Variants in TLX3 observed in about 807,000 individuals in gnomAD.
TLX3 encodes the protein T-cell leukemia homeobox protein 3.
In TLX3, 11 loss-of-function variants were observed where a neutral mutation model predicts 19.6. The observed-to-expected ratio is 0.56, with a 90% CI of 0.35 to 0.93. The LOEUF is 0.93. Ranked by LOEUF, TLX3 falls within the 40% of genes least tolerant of loss-of-function variation. TLX3 has a pLI of 0.01. For missense variants in TLX3, 375 were observed against 418.6 expected (o/e 0.90, Z 0.91); for synonymous variants, 221 against 188.1 (o/e 1.17, Z -1.43).
At chr5:171,309,935 A>T in intron 1 of TLX3, 149 bp downstream of exon 1, 1 of 1,301,992 alleles carries the variant, frequency 7.7e-7, no homozygotes. Context: ...CGTGGTGGGG[A>T]GGGTAATCGG....
At chr5:171,310,438 T>A in intron 2 of TLX3, 45 bp downstream of exon 2, 1 of 1,589,850 alleles carries the variant, frequency 6.3e-7, no homozygotes, top group East Asian at 2.3e-5. Flanking sequence ...GCCCTTCACC[T>A]GTCCCGCCCC....
rs761195958 is a variant in TLX3, at chr5:171,309,398, C to T, written c.33C>T (p.His11=). The change falls in exon 1 of 3, where the codon CAC becomes CAT. Residue 11 remains histidine, a synonymous_variant. Transcript: ENST00000296921. ...CGCCCGCCAGCGCGCAGACCCCGCACCCGCACGAGCCCATCAGCTTCGGCA... is the reference window on the plus strand; with the variant it reads ...CGCCCGCCAGCGCGCAGACCCCGCATCCGCACGAGCCCATCAGCTTCGGCA... MEAPASAQTP[H]PHEPISFGID... 1.0e-5 allele frequency: 16 copies of T among 1,604,742 alleles called. No individual in the cohort carries two copies. The East Asian group carries it at 2.3e-4, about 23-fold the overall frequency.
chr5:171,311,644 G>C lies in TLX3; in HGVS notation c.*45G>C. ...CGCCACGGATCGCCGCCCCCACCCA[G>C]CCGGGCGCCCCGGACCCCCCAGGCG... On this transcript the variant is annotated 3_prime_UTR_variant, in exon 3 of 3. Coordinates refer to ENST00000296921, the MANE Select transcript of TLX3 (RefSeq NM_021025.4). This position sits in a 1 kb window ranked among gnomAD's most constrained non-coding sequence, Gnocchi z 5.1. The C allele has an allele frequency of 6.7e-7, 1 of 1,498,578 alleles. No individual in the cohort carries two copies. Among genetic ancestry groups the C allele is most frequent in the South Asian group, 1.2e-5 (1 of 83,808 alleles). The allele number at this position is 1,498,578 out of a possible 1,614,324, so 92.8% of individuals were successfully genotyped here. A position where few individuals can be genotyped will look rare whatever the true frequency, so the allele number is the denominator to read the frequency against.
rs1173363619 is a variant in TLX3, at chr5:171,310,411, C to T, written c.665+18C>T. On this transcript the variant is annotated intron_variant, in intron 2 of 2. Transcript: ENST00000296921. ...AAGTGGCGGTGAGAGAGGCCTGACC[C>T]GGCCCACCTTACACCTGCCCTTCAC... 2.5e-6 allele frequency: 4 copies of T among 1,610,830 alleles called. No homozygotes were observed. The highest frequency in any genetic ancestry group is 1.3e-5 in the African/African-American group (1 of 74,880).
chr5:171,311,057 C>T lies in TLX3; in HGVS notation c.666-332C>T, dbSNP rs953284005. Among the ~76,000 whole-genome samples, 2 of 152,158 alleles carry T rather than the reference C, an allele frequency of 1.3e-5. No homozygotes were observed. Among genetic ancestry groups the T allele is most frequent in the Admixed American group, 1.3e-4 (2 of 15,284 alleles). The stretch of plus-strand genomic sequence containing the variant: ...CGGACCCCAGCGACCCCGGTTCCCG[C>T]AGGGCCAAGTCAGTTACACATAGGC... On this transcript the variant is annotated intron_variant, in intron 2 of 2. Coordinates refer to ENST00000296921, the MANE Select transcript of TLX3 (RefSeq NM_021025.4). The surrounding 1 kb of genome is among the most constrained non-coding windows in gnomAD (Gnocchi z 5.1).
chr5:171,309,324 G>GCCAACC lies in TLX3; in HGVS notation c.-40_-39insAACCCC. 3 of 1,259,516 alleles carry GCCAACC rather than the reference G, an allele frequency of 2.4e-6. No homozygotes were observed. 78.0% of individuals were successfully genotyped at this position (1,259,516 alleles called of 1,614,324 possible). The stretch of plus-strand genomic sequence containing the variant: ...GCCGCGCCGTAACGGGGACCCAGCC[G>GCCAACC]CCTCCCCGCCCAGCCCAGCCCAGCC... On this transcript the variant is annotated 5_prime_UTR_variant, in exon 1 of 3. Coordinates refer to ENST00000296921, the MANE Select transcript of TLX3 (RefSeq NM_021025.4).
At chr5:171,310,047 T>C in intron 1 of TLX3, 103 bp from the exon 2 acceptor site, 5 of 1,448,962 alleles carry the variant, frequency 3.5e-6, no homozygotes, top group South Asian at 1.4e-5. Context: ...ACCAGCGAAA[T>C]AGCGGAGCTC....
In TLX3 at chr5:171,310,132, C is replaced by G; in HGVS notation, c.422-18C>G. 5 of 1,547,724 alleles carry G rather than the reference C, an allele frequency of 3.2e-6. No individual in the cohort carries two copies. Among genetic ancestry groups the G allele is most frequent in the Non-Finnish European group, 4.4e-6 (5 of 1,145,814 alleles). On this transcript the variant is annotated intron_variant, in intron 1 of 2. Transcript: ENST00000296921. Reference sequence around the variant, plus strand: ...CGGAGCCGGGCTGGGCTTCAGGGGCCCTCCTGTGTCTCCGCAGCGGCGGCC... The same window carrying G: ...CGGAGCCGGGCTGGGCTTCAGGGGCGCTCCTGTGTCTCCGCAGCGGCGGCC...
chr5:171,310,851 C>A (rs1769208282), intron 2 of TLX3, among the ~76,000 whole-genome samples: 1 of 151,974 alleles, frequency 6.6e-6, no homozygotes. Context: ...GTTTCCTCTC[C>A]CCCCATCTCC....
At chr5:171,310,433 T>A (rs1301470309) in intron 2 of TLX3, 40 bp downstream of exon 2, 1 of 1,598,656 alleles carries the variant, frequency 6.3e-7, no homozygotes, top group South Asian at 1.1e-5. Flanking sequence ...CACCTGCCCT[T>A]CACCTGTCCC....
In TLX3 at chr5:171,311,527, C is replaced by T; in HGVS notation, c.804C>T (p.Leu268=). The part of the protein sequence containing the change: ...PDPLCLHNSS[L]FALQNLQPWE... ...CGCTCTGTCTGCACAACTCGTCACT[C>T]TTTGCTCTGCAGAATCTGCAGCCCT... The change falls in exon 3 of 3, where the codon CTC becomes CTT. Residue 268 remains leucine (L), a synonymous_variant. Transcript: ENST00000296921. This position sits in a 1 kb window ranked among gnomAD's most constrained non-coding sequence, Gnocchi z 5.1. 2 of 1,613,460 alleles carry T rather than the reference C, an allele frequency of 1.2e-6. No individual in the cohort carries two copies. The highest frequency in any genetic ancestry group is 1.7e-6 in the Non-Finnish European group (2 of 1,179,744).
rs1265281867 is a variant in TLX3, at chr5:171,311,707, G to C, written c.*108G>C. The C allele has an allele frequency of 4.7e-6, 4 of 848,166 alleles. No homozygotes were observed. Among genetic ancestry groups the C allele is most frequent in the Non-Finnish European group, 5.3e-6 (3 of 567,974 alleles). 52.5% of individuals were successfully genotyped at this position (848,166 alleles called of 1,614,324 possible). A position where few individuals can be genotyped will look rare whatever the true frequency, so the allele number is the denominator to read the frequency against. ...ACCGGCGCCGAGAGGGGAAGGGGCCGCCTAGCCCGAGTAGGCCCCAGGGCG... is the reference window on the plus strand; with the variant it reads ...ACCGGCGCCGAGAGGGGAAGGGGCCCCCTAGCCCGAGTAGGCCCCAGGGCG... On this transcript the variant is annotated 3_prime_UTR_variant, in exon 3 of 3. Transcript: ENST00000296921. The surrounding 1 kb of genome is among the most constrained non-coding windows in gnomAD (Gnocchi z 5.1).
At chr5:171,310,068 A>G (rs901623723) in intron 1 of TLX3, 82 bp from the exon 2 acceptor site, 1 of 1,470,532 alleles carries the variant, frequency 6.8e-7, no homozygotes, top group African/African-American at 1.4e-5. Context: ...TCCGTGTCCC[A>G]CGGGGCGCCA....
Position 171,311,281 on chromosome 5 carries a change from C to T in TLX3, c.666-108C>T. 1 of 944,570 alleles carries T rather than the reference C, an allele frequency of 1.1e-6. No homozygotes were observed. The highest frequency in any genetic ancestry group is 1.7e-5 in the African/African-American group (1 of 59,086). The allele number at this position is 944,570 out of a possible 1,614,324, so 58.5% of individuals were successfully genotyped here. On this transcript the variant is annotated intron_variant, in intron 2 of 2. Coordinates refer to ENST00000296921, the MANE Select transcript of TLX3 (RefSeq NM_021025.4). The surrounding 1 kb of genome is among the most constrained non-coding windows in gnomAD (Gnocchi z 5.1). ...GGCTGGGAGGCAGACGGGTTCTGCG[C>T]CTCGAGGCTCCCGGATGGCCTCGGC...
At position 171,309,353 on chromosome 5, in the gene TLX3, C is replaced by A; in HGVS notation, c.-13C>A. 2 of 921,916 alleles carry A rather than the reference C, an allele frequency of 2.2e-6. No homozygotes were observed. Among genetic ancestry groups the A allele is most frequent in the Non-Finnish European group, 3.1e-6 (2 of 639,364 alleles). 57.1% of individuals were successfully genotyped at this position (921,916 alleles called of 1,614,324 possible). A position where few individuals can be genotyped will look rare whatever the true frequency, so the allele number is the denominator to read the frequency against. On this transcript the variant is annotated 5_prime_UTR_variant, in exon 1 of 3. Transcript: ENST00000296921. ...CCCCGCCCAGCCCAGCCCAGCCCTT[C>A]CGCCCGCCCAGGATGGAGGCGCCCG...
Position 171,311,761 on chromosome 5 carries a change from G to A in TLX3, c.*162G>A, listed in dbSNP as rs774976746. 5.3e-4 allele frequency: 258 copies of A among 490,068 alleles called. No individual in the cohort carries two copies. Among genetic ancestry groups the A allele is most frequent in the Non-Finnish European group, 7.7e-4 (221 of 286,596 alleles). The allele number at this position is 490,068 out of a possible 1,614,324, so 30.4% of individuals were successfully genotyped here. On this transcript the variant is annotated 3_prime_UTR_variant, in exon 3 of 3. Transcript: ENST00000296921. This position sits in a 1 kb window ranked among gnomAD's most constrained non-coding sequence, Gnocchi z 5.1. The stretch of plus-strand genomic sequence containing the variant: ...CCACAGACTGGCGGGCCGCGGAAGG[G>A]GGTAGGGCCCGAGCTCCGCGCGGCC...
rs1343950371 is a variant in TLX3 at position 171,311,359 on chromosome 5, G to C, written c.666-30G>C. On this transcript the variant is annotated intron_variant, in intron 2 of 2. Transcript: ENST00000296921. The surrounding 1 kb of genome is among the most constrained non-coding windows in gnomAD (Gnocchi z 5.1). ...GGCCCCGCGGTGCCGGGTGCATGACGGTACTGTCCCTCTCCCTCCCCCGGT... is the reference window on the plus strand; with the variant it reads ...GGCCCCGCGGTGCCGGGTGCATGACCGTACTGTCCCTCTCCCTCCCCCGGT... 1.9e-6 allele frequency: 3 copies of C among 1,543,468 alleles called. No homozygotes were observed. The African/African-American group carries it at 4.1e-5, about 21-fold the overall frequency.
chr5:171,309,346 A>ACC lies in TLX3; in HGVS notation c.-20_-19insCC. 2.0e-6 allele frequency: 1 copy of ACC among 511,162 alleles called. No homozygotes were observed. Among genetic ancestry groups the ACC allele is most frequent in the Non-Finnish European group, 3.1e-6 (1 of 318,502 alleles). 31.7% of individuals were successfully genotyped at this position (511,162 alleles called of 1,614,324 possible). A position where few individuals can be genotyped will look rare whatever the true frequency, so the allele number is the denominator to read the frequency against. On this transcript the variant is annotated 5_prime_UTR_variant, in exon 1 of 3. Transcript: ENST00000296921. ...GCCGCCTCCCCGCCCAGCCCAGCCC[A>ACC]GCCCTTCCGCCCGCCCAGGATGGAG... is the stretch of plus-strand genomic sequence containing the variant.
chr5:171,311,482 C>T lies in TLX3; in HGVS notation c.759C>T (p.Asn253=), dbSNP rs771923579. ...ACGACGCCTTCCAAAAGAGCCTCAA[C>T]GACTCCATCCAGCCTGACCCGCTCT... is the stretch of plus-strand genomic sequence containing the variant. ...LQHDAFQKSL[N]DSIQPDPLCL... The change falls in exon 3 of 3, where the codon AAC becomes AAT. Residue 253 remains asparagine, a synonymous_variant. Transcript: ENST00000296921. This position sits in a 1 kb window ranked among gnomAD's most constrained non-coding sequence, Gnocchi z 5.1. 3 of 1,611,172 alleles carry T rather than the reference C, an allele frequency of 1.9e-6. No individual in the cohort carries two copies. Among genetic ancestry groups the T allele is most frequent in the Admixed American group, 3.3e-5 (2 of 59,726 alleles).
Sources: gnomAD v4.1 joint callset for allele counts (sites outside exome capture counted in the v4.1 genomes callset) on GRCh38, gnomAD v4.1.1 for gene constraint, Gnocchi (gnomAD v3.1) non-coding constraint, MANE v1.5 for transcripts, NCBI Gene and HGNC (gene_info 2026-07-23, HGNC 2026-07-21) for gene names.